CEP83: variants seen among roughly 807,000 people sequenced by gnomAD.
CEP83 encodes centrosomal protein 83, also known as centrosomal protein of 83 kDa.
A neutral mutation model predicts 101.9 loss-of-function variants in CEP83; 70 were observed. That is an observed-to-expected ratio of 0.69 (90% CI 0.57 to 0.84). The LOEUF (loss-of-function observed/expected upper bound fraction) is 0.84. CEP83 is among the 40% of genes least tolerant of loss of function. The pLI is 0.00. For synonymous variants in CEP83, 264 were observed against 267.9 expected, an observed-to-expected ratio of 0.99 and a Z score of 0.14; for missense variants, 715 against 787.2, an observed-to-expected ratio of 0.91 and a Z score of 1.10.
the CEP83 span, chr12:94,281,756 G>A: frequency 6.5e-6 from 1 of 153,602 alleles, no homozygotes; most frequent in Non-Finnish European, 1.4e-5. Context: ...TGTTGGCACT[G>A]AGTTGACACT....
chr12:94,312,759 G>T (rs1299212047), intron 15 of CEP83, 155 bp downstream of exon 15: 1 of 977,798 alleles, frequency 1.0e-6, no homozygotes, highest in Admixed American at 6.2e-5. Flanking sequence ...TCAGTTAGGG[G>T]GTAAAAAAAG....
chr12:94,332,764 CT>C (rs1014744773), intron 13 of CEP83, among the ~76,000 whole-genome samples: 3 of 151,886 alleles, frequency 2.0e-5, no homozygotes, highest in Non-Finnish European at 2.9e-5. Flanking sequence ...ATGGACAAAC[CT>C]TTGAATATGT....
chr12:94,279,626 T>A, the CEP83 span: 2 of 1,614,216 alleles, frequency 1.2e-6, no homozygotes, highest in Admixed American at 3.3e-5. Flanking sequence ...CCTTATGGAC[T>A]TCAGCTTAAT....
chr12:94,349,991 TAAA>T (rs1321392524), intron 11 of CEP83, among the ~76,000 whole-genome samples: 1 of 152,032 alleles, frequency 6.6e-6, no homozygotes, highest in Admixed American at 6.6e-5. Context: ...TAACAGAAAT[TAAA>T]GAAGATATAA....
At chr12:94,300,982 T>C in the CEP83 span, 2 of 1,613,848 alleles carry the variant, frequency 1.2e-6, no homozygotes, top group Admixed American at 1.7e-5. Context: ...AGACACCACA[T>C]ATAGACGGCT....
chr12:94,396,280 C>CTTTT lies in CEP83; in HGVS notation c.549+4566_549+4569dup, dbSNP rs776434390. 3.6e-4 allele frequency among the ~76,000 whole-genome samples: 33 copies of CTTTT among 90,944 alleles called. 2 individuals are homozygous for CTTTT. In the South Asian group the frequency reaches 3.7e-3, roughly 10 times the overall value. The allele number at this position is 90,944 out of a possible 152,430, so 59.7% of individuals were successfully genotyped here. A position where few individuals can be genotyped will look rare whatever the true frequency, so the allele number is the denominator to read the frequency against. On this transcript the variant is annotated intron_variant, in intron 6 of 16. Coordinates refer to ENST00000397809, the MANE Select transcript of CEP83 (RefSeq NM_016122.3). The stretch of plus-strand genomic sequence containing the variant: ...CTTACAGTCACATGAAAAAGCATGA[C>CTTTT]TTTTTTTTTTTTTTTTTTTTTTTTT...
chr12:94,436,907 C>T (rs2066033101), intron 1 of CEP83, among the ~76,000 whole-genome samples: 1 of 150,844 alleles, frequency 6.6e-6, no homozygotes, highest in South Asian at 2.1e-4. Flanking sequence ...ATAAAGCCTC[C>T]AAGAAACTTG....
intron 15 of CEP83, among the ~76,000 whole-genome samples, chr12:94,312,178 T>C (rs1310739535): frequency 1.3e-5 from 2 of 152,198 alleles, no homozygotes; most frequent in African/African-American, 2.4e-5. Context: ...TACTTTGGAA[T>C]AGAGTATTGT....
chr12:94,390,527 A>G (rs887061594), intron 6 of CEP83, among the ~76,000 whole-genome samples: 4 of 152,190 alleles, frequency 2.6e-5, no homozygotes, highest in African/African-American at 9.6e-5. Flanking sequence ...GAGAAACCAG[A>G]GCAGAAAAGC....
intron 2 of CEP83, among the ~76,000 whole-genome samples, chr12:94,429,388 C>T (rs1359050765): frequency 6.6e-6 from 1 of 152,222 alleles, no homozygotes; most frequent in African/African-American, 2.4e-5. Flanking sequence ...AACAGCATTG[C>T]TCCAGAGAGG....
At chr12:94,412,185 T>C (rs2063926701) in intron 3 of CEP83, 133 bp downstream of exon 3, 1 of 639,102 alleles carries the variant, frequency 1.6e-6, no homozygotes, top group Non-Finnish European at 2.5e-6. Flanking sequence ...AAAATTTTAC[T>C]ATATTAAAAA....
intron 6 of CEP83, among the ~76,000 whole-genome samples, chr12:94,390,032 G>C (rs577417209): frequency 2.6e-5 from 4 of 152,362 alleles, no homozygotes; most frequent in African/African-American, 9.6e-5. Flanking sequence ...CACCTCTGTG[G>C]GTGGGGCATA....
intron 4 of CEP83, 78 bp downstream of exon 4, chr12:94,411,619 T>C (rs1294224533): frequency 3.9e-6 from 4 of 1,026,372 alleles, no homozygotes; most frequent in African/African-American, 1.6e-5. Flanking sequence ...GAAATTGCCA[T>C]ATTCACCAAA....
At chr12:94,347,074 T>TACAC (rs527486795) in intron 11 of CEP83, among the ~76,000 whole-genome samples, 32 of 129,780 alleles carry the variant, frequency 2.5e-4, no homozygotes, top group South Asian at 1.4e-3. Context: ...TATATACACA[T>TACAC]ACACACACAC....
intron 1 of CEP83, among the ~76,000 whole-genome samples, chr12:94,445,208 A>G (rs1287238869): frequency 1.3e-5 from 2 of 152,162 alleles, no homozygotes; most frequent in Admixed American, 1.3e-4. Flanking sequence ...ACAAAAATGC[A>G]GTCAATTCAG....
chr12:94,300,901 T>C, the CEP83 span: 25 of 1,608,958 alleles, frequency 1.6e-5, no homozygotes, highest in South Asian at 2.4e-4. Flanking sequence ...TTATTCTCTC[T>C]TTGAACAGCC....
In CEP83 at chr12:94,436,361, A is replaced by G. The variant is rs549175814; in HGVS notation, c.-154-1034T>C. Among the ~76,000 whole-genome samples the G allele has an allele frequency of 3.3e-5, 5 of 152,196 alleles. No individual in the cohort carries two copies. In the East Asian group the frequency reaches 9.6e-4, roughly 29 times the overall value. On this transcript the variant is annotated intron_variant, in intron 1 of 16. Coordinates refer to ENST00000397809, the MANE Select transcript of CEP83 (RefSeq NM_016122.3). ...ATAAAAAACAGGATATGGATGAAAA[A>G]GTCTCCAGAGAAATATACATCATAA...
chr12:94,286,936 T>G, the CEP83 span, among the ~76,000 whole-genome samples: 14 of 152,316 alleles, frequency 9.2e-5, no homozygotes, highest in African/African-American at 3.4e-4. Flanking sequence ...TCTCATGGAC[T>G]AGATGCAGCC....
At chr12:94,449,329 T>C (rs1566242626) in intron 1 of CEP83, among the ~76,000 whole-genome samples, 1 of 152,164 alleles carries the variant, frequency 6.6e-6, no homozygotes. Flanking sequence ...ACTGCACTAA[T>C]GAATGCTATC....
Sources: allele counts gnomAD v4.1 joint callset (sites outside exome capture counted in the v4.1 genomes callset), GRCh38; gene constraint gnomAD v4.1.1; transcripts MANE v1.5; gene names NCBI Gene and HGNC (gene_info 2026-07-23, HGNC 2026-07-21).